The following PTPRK variants were observed in gnomAD, a reference collection of about 807,000 sequenced individuals.
PTPRK encodes the protein protein tyrosine phosphatase receptor type K.
PTPRK carries 75 observed loss-of-function variants against 178.0 expected under a neutral mutation model. That is an observed-to-expected ratio of 0.42 (90% confidence interval 0.35 to 0.51). PTPRK has a LOEUF of 0.51. Among genes scored for constraint, PTPRK ranks in the 20% least tolerant of loss-of-function variants. The pLI is 0.02. For synonymous variants in PTPRK, 637 were observed against 620.6 expected, an observed-to-expected ratio of 1.03 and a Z score of -0.39; for missense variants, 1,441 against 1,797.8, an observed-to-expected ratio of 0.80 and a Z score of 3.59.
intron 3 of PTPRK, among the ~76,000 whole-genome samples, chr6:128,301,373 T>A (rs1424120758): frequency 2.6e-5 from 4 of 151,444 alleles, no homozygotes; most frequent in Non-Finnish European, 3.0e-5. Flanking sequence ...TACTCTCTTT[T>A]AAAAAAAAAT....
At chr6:128,433,775 C>T (rs925636051) in intron 1 of PTPRK, among the ~76,000 whole-genome samples, 1 of 150,976 alleles carries the variant, frequency 6.6e-6, no homozygotes, top group African/African-American at 2.4e-5. Flanking sequence ...CCTCGGCCTC[C>T]CAAGGTGCTG....
intron 2 of PTPRK, 152 bp from the exon 3 acceptor site, chr6:128,322,462 A>G: frequency 1.4e-6 from 1 of 719,680 alleles, no homozygotes; most frequent in South Asian, 1.9e-5. Context: ...CAATCAAATA[A>G]GTAGATGAAC....
intron 3 of PTPRK, among the ~76,000 whole-genome samples, chr6:128,255,411 T>G (rs759235599): frequency 2.6e-5 from 4 of 152,162 alleles, no homozygotes; most frequent in African/African-American, 9.7e-5. Context: ...TAGTCATAAG[T>G]GAGGGAAAGC....
chr6:128,355,515 T>A (rs1458787140), intron 2 of PTPRK, among the ~76,000 whole-genome samples: 1 of 152,182 alleles, frequency 6.6e-6, no homozygotes, highest in African/African-American at 2.4e-5. Flanking sequence ...ATTAATAATA[T>A]ACACACACAT....
chr6:128,079,913 T>TTATAGCCCC (rs1199091392), intron 10 of PTPRK, among the ~76,000 whole-genome samples: 1 of 151,896 alleles, frequency 6.6e-6, no homozygotes, highest in Non-Finnish European at 1.5e-5. Flanking sequence ...AACACACAGA[T>TTATAGCCCC]TATAGCCCCT....
At chr6:128,339,670 A>G (rs1316326214) in intron 2 of PTPRK, among the ~76,000 whole-genome samples, 1 of 151,624 alleles carries the variant, frequency 6.6e-6, no homozygotes, top group East Asian at 1.9e-4. Context: ...TGGAACACAG[A>G]AAAAAAAATA....
chr6:128,431,963 A>G (rs1046039664), intron 1 of PTPRK, among the ~76,000 whole-genome samples: 5 of 151,912 alleles, frequency 3.3e-5, no homozygotes, highest in Admixed American at 1.3e-4. Context: ...TCTTACCCCA[A>G]TGCAAAAAGG....
chr6:128,181,963 G>C (rs1801980704), intron 7 of PTPRK, among the ~76,000 whole-genome samples: 1 of 152,004 alleles, frequency 6.6e-6, no homozygotes, highest in African/African-American at 2.4e-5. Flanking sequence ...CATTCCTGAT[G>C]AAATAGTAAC....
At chr6:128,285,881 T>G (rs1483469100) in intron 3 of PTPRK, among the ~76,000 whole-genome samples, 1 of 152,088 alleles carries the variant, frequency 6.6e-6, no homozygotes, top group Non-Finnish European at 1.5e-5. Context: ...GGTCATTCTT[T>G]ATGACCTCAA....
intron 5 of PTPRK, among the ~76,000 whole-genome samples, chr6:128,232,895 C>T (rs1471568836): frequency 6.6e-6 from 1 of 152,178 alleles, no homozygotes; most frequent in Admixed American, 6.5e-5. Context: ...TATTGCATTG[C>T]ATTGTTTTTT....
intron 3 of PTPRK, among the ~76,000 whole-genome samples, chr6:128,299,175 A>G (rs964848069): frequency 1.6e-4 from 25 of 152,324 alleles, no homozygotes; most frequent in African/African-American, 5.5e-4. Context: ...GACGTGAAGG[A>G]TATCTTCAAG....
chr6:128,376,589 G>A (rs538847414), intron 2 of PTPRK, among the ~76,000 whole-genome samples: 47 of 152,186 alleles, frequency 3.1e-4, no homozygotes, highest in African/African-American at 9.6e-4. Flanking sequence ...ATTAACATTC[G>A]GCTCCTCATT....
intron 2 of PTPRK, among the ~76,000 whole-genome samples, chr6:128,395,693 G>GA (rs1840210010): frequency 6.6e-6 from 1 of 151,860 alleles, no homozygotes; most frequent in Non-Finnish European, 1.5e-5. Context: ...ACCTTTGAAA[G>GA]AAAAAATACA....
At chr6:128,330,659 C>T (rs913017649) in intron 2 of PTPRK, among the ~76,000 whole-genome samples, 1 of 152,108 alleles carries the variant, frequency 6.6e-6, no homozygotes, top group African/African-American at 2.4e-5. Context: ...GCCCTACAAT[C>T]GTTTCTGATA....
At chr6:128,408,233 C>A (rs967350761) in intron 1 of PTPRK, among the ~76,000 whole-genome samples, 6 of 151,952 alleles carry the variant, frequency 3.9e-5, no homozygotes, top group Middle Eastern at 3.2e-3. Flanking sequence ...ACTAAAAATA[C>A]AAGAAATAGT....
chr6:128,181,081 C>G (rs1232712453), intron 7 of PTPRK, among the ~76,000 whole-genome samples: 1 of 151,936 alleles, frequency 6.6e-6, no homozygotes, highest in Non-Finnish European at 1.5e-5. Context: ...ATGATACATT[C>G]ACTTCATATG....
intron 24 of PTPRK, among the ~76,000 whole-genome samples, chr6:127,981,996 C>T (rs1165513809): frequency 6.6e-6 from 1 of 151,722 alleles, no homozygotes; most frequent in Non-Finnish European, 1.5e-5. Context: ...TGCACCACCA[C>T]ACCCGGCTAT....
At chr6:128,272,424 T>C (rs548147563) in intron 3 of PTPRK, among the ~76,000 whole-genome samples, 13 of 151,696 alleles carry the variant, frequency 8.6e-5, no homozygotes, top group Non-Finnish European at 1.6e-4. Context: ...AACAGGCAAC[T>C]TACAGAATGG....
intron 1 of PTPRK, among the ~76,000 whole-genome samples, chr6:128,505,801 CCT>C (rs1192348329): frequency 3.9e-5 from 6 of 152,168 alleles, no homozygotes; most frequent in Non-Finnish European, 5.9e-5. Context: ...GAAAAGCTTT[CCT>C]CTGTGTTGAC....
Sources: allele counts gnomAD v4.1 joint callset (sites outside exome capture counted in the v4.1 genomes callset), GRCh38; gene constraint gnomAD v4.1.1; transcripts MANE v1.5; gene names NCBI Gene and HGNC (gene_info 2026-07-23, HGNC 2026-07-21).